The following LIMD1 variants were observed in gnomAD, a reference collection of about 807,000 sequenced individuals.
LIMD1 encodes LIM domain containing 1.
Under a neutral mutation model 58.4 loss-of-function variants are expected in LIMD1, and 23 were observed. The observed-to-expected ratio is 0.39, with a 90% confidence interval of 0.28 to 0.56. LIMD1 has a LOEUF of 0.56. Among genes scored for constraint, LIMD1 ranks in the 20% least tolerant of loss-of-function variants. The probability of loss-of-function intolerance (pLI) is 0.57; values close to 1 mark genes in which losing one functional copy is unlikely to be tolerated. For missense variants in LIMD1, 838 were observed against 855.5 expected (o/e 0.98, Z 0.25); for synonymous variants, 334 against 345.5 (o/e 0.97, Z 0.37).
At chr3:45,665,548 G>T in intron 2 of LIMD1, 102 bp from the exon 3 acceptor site, 2 of 879,686 alleles carry the variant, frequency 2.3e-6, no homozygotes, top group Admixed American at 2.1e-5. Flanking sequence ...CGGTTTTTAC[G>T]TGTTTATTTC....
intron 7 of LIMD1, among the ~76,000 whole-genome samples, chr3:45,675,024 C>T (rs182406885): frequency 3.7e-4 from 56 of 152,340 alleles, no homozygotes; most frequent in African/African-American, 1.2e-3. Flanking sequence ...TAAGTGAATT[C>T]ACCCATGGAA....
rs1302311112 is a variant in LIMD1, at chr3:45,683,574, T to C, written c.*6515T>C. ...CAACCAGTCAGATGTTTGTATAGGGTGGTGTAACTTTGTAACTTTGCTTCA... is the reference window on the plus strand; with the variant it reads ...CAACCAGTCAGATGTTTGTATAGGGCGGTGTAACTTTGTAACTTTGCTTCA... On this transcript the variant is annotated 3_prime_UTR_variant, in exon 8 of 8. Coordinates refer to ENST00000273317, the MANE Select transcript of LIMD1 (RefSeq NM_014240.3). 2 of 152,180 alleles carry C rather than the reference T, an allele frequency of 1.3e-5. No individual in the cohort carries two copies. The highest frequency in any genetic ancestry group is 2.4e-5 in the African/African-American group (1 of 41,426). 9.4% of individuals were successfully genotyped at this position (152,180 alleles called of 1,614,324 possible). A position where few individuals can be genotyped will look rare whatever the true frequency, so the allele number is the denominator to read the frequency against.
At chr3:45,625,530 G>C (rs1427142652) in intron 1 of LIMD1, among the ~76,000 whole-genome samples, 1 of 152,034 alleles carries the variant, frequency 6.6e-6, no homozygotes, top group African/African-American at 2.4e-5. Context: ...CTTGTTTGTG[G>C]GATCCTTTGG....
At chr3:45,675,335 G>T (rs756008481) in intron 7 of LIMD1, among the ~76,000 whole-genome samples, 1 of 152,230 alleles carries the variant, frequency 6.6e-6, no homozygotes, top group Non-Finnish European at 1.5e-5. Context: ...TTCGAGACCA[G>T]CCTGGCCAAC....
chr3:45,636,670 TG>T (rs1019294545), intron 2 of LIMD1, among the ~76,000 whole-genome samples: 7 of 152,086 alleles, frequency 4.6e-5, no homozygotes, highest in Admixed American at 6.5e-5. Context: ...GAGGTGGAGG[TG>T]GGGGTCCTTT....
intron 1 of LIMD1, among the ~76,000 whole-genome samples, chr3:45,632,806 G>T (rs544340363): frequency 5.5e-4 from 84 of 152,292 alleles, no homozygotes; most frequent in Non-Finnish European, 4.4e-5. Flanking sequence ...AATACTAGAG[G>T]CCCCACTTGG....
At chr3:45,632,019 C>T (rs575604390) in intron 1 of LIMD1, among the ~76,000 whole-genome samples, 6 of 152,294 alleles carry the variant, frequency 3.9e-5, no homozygotes, top group South Asian at 2.1e-4. Flanking sequence ...AGTCCCTGTG[C>T]CCCTCTGCTG....
At chr3:45,596,672 C>T (rs1286049637) in intron 1 of LIMD1, among the ~76,000 whole-genome samples, 10 of 151,924 alleles carry the variant, frequency 6.6e-5, no homozygotes, top group African/African-American at 2.4e-4. Context: ...GGGGCAGCTA[C>T]CCCTGAGCGT....
In LIMD1 at chr3:45,685,176, A is replaced by G. The variant is rs978391942; in HGVS notation, c.*8117A>G. 1 of 152,212 alleles carries G rather than the reference A, an allele frequency of 6.6e-6. No homozygotes were observed. Among genetic ancestry groups the G allele is most frequent in the Admixed American group, 6.5e-5 (1 of 15,278 alleles). 9.4% of individuals were successfully genotyped at this position (152,212 alleles called of 1,614,324 possible). A position where few individuals can be genotyped will look rare whatever the true frequency, so the allele number is the denominator to read the frequency against. ...TACTATAGGAAAAACTTGGCTACAGATATGAATTTATATTACCCATCATTG... is the reference window on the plus strand; with the variant it reads ...TACTATAGGAAAAACTTGGCTACAGGTATGAATTTATATTACCCATCATTG... On this transcript the variant is annotated 3_prime_UTR_variant, in exon 8 of 8. Transcript: ENST00000273317.
At chr3:45,622,172 A>C (rs1281862311) in intron 1 of LIMD1, among the ~76,000 whole-genome samples, 1 of 152,180 alleles carries the variant, frequency 6.6e-6, no homozygotes, top group Non-Finnish European at 1.5e-5. Context: ...CCCAGAAAAT[A>C]AACTCTACTC....
intron 1 of LIMD1, among the ~76,000 whole-genome samples, chr3:45,614,394 G>A (rs1701557099): frequency 6.7e-6 from 1 of 150,128 alleles, no homozygotes; most frequent in South Asian, 2.1e-4. Flanking sequence ...GGGCGTGGTG[G>A]CGGGCACCTG....
At position 45,685,494 on chromosome 3, in the gene LIMD1, G is replaced by C. The variant is rs924256763; in HGVS notation, c.*8435G>C. 2 of 152,192 alleles carry C rather than the reference G, an allele frequency of 1.3e-5. No individual in the cohort carries two copies. Among genetic ancestry groups the C allele is most frequent in the Non-Finnish European group, 2.9e-5 (2 of 68,038 alleles). The allele number at this position is 152,192 out of a possible 1,614,324, so 9.4% of individuals were successfully genotyped here. Reference sequence around the variant, plus strand: ...CTTAAACCCCTATTTTATTAAAGGAGAGGAAATGTCCAAGAGCCCAGAGAT... The same window carrying C: ...CTTAAACCCCTATTTTATTAAAGGACAGGAAATGTCCAAGAGCCCAGAGAT... On this transcript the variant is annotated 3_prime_UTR_variant, in exon 8 of 8. Coordinates refer to ENST00000273317, the MANE Select transcript of LIMD1 (RefSeq NM_014240.3).
Position 45,685,159 on chromosome 3 carries a change from G to T in LIMD1, c.*8100G>T, listed in dbSNP as rs1217844860. The T allele has an allele frequency of 6.6e-6, 1 of 152,154 alleles. No individual in the cohort carries two copies. Among genetic ancestry groups the T allele is most frequent in the African/African-American group, 2.4e-5 (1 of 41,450 alleles). 9.4% of individuals were successfully genotyped at this position (152,154 alleles called of 1,614,324 possible). ...AAGTTATATAACAATTTTACTATAGGAAAAACTTGGCTACAGATATGAATT... is the reference window on the plus strand; with the variant it reads ...AAGTTATATAACAATTTTACTATAGTAAAAACTTGGCTACAGATATGAATT... On this transcript the variant is annotated 3_prime_UTR_variant, in exon 8 of 8. Coordinates refer to ENST00000273317, the MANE Select transcript of LIMD1 (RefSeq NM_014240.3).
chr3:45,637,111 A>G (rs1167249483), intron 2 of LIMD1, among the ~76,000 whole-genome samples: 1 of 152,112 alleles, frequency 6.6e-6, no homozygotes, highest in Non-Finnish European at 1.5e-5. Flanking sequence ...GTGGTTTGCA[A>G]TCCTGGCTGC....
At chr3:45,626,562 G>A (rs1362446232) in intron 1 of LIMD1, among the ~76,000 whole-genome samples, 3 of 152,234 alleles carry the variant, frequency 2.0e-5, no homozygotes, top group African/African-American at 7.2e-5. Flanking sequence ...AGGATCAATG[G>A]TTGCCAGGGG....
chr3:45,610,093 G>A (rs1701509280), intron 1 of LIMD1, among the ~76,000 whole-genome samples: 3 of 152,198 alleles, frequency 2.0e-5, no homozygotes, highest in African/African-American at 7.2e-5. Context: ...TCGGGAGGCT[G>A]AGGCAGAAGA....
chr3:45,666,060 G>A (rs1210088304), intron 3 of LIMD1, among the ~76,000 whole-genome samples: 2 of 152,070 alleles, frequency 1.3e-5, no homozygotes, highest in African/African-American at 4.8e-5. Flanking sequence ...TTCTCCCATG[G>A]ACTGGAAGTC....
intron 2 of LIMD1, among the ~76,000 whole-genome samples, chr3:45,641,450 C>T (rs1336342952): frequency 6.6e-6 from 1 of 150,570 alleles, no homozygotes; most frequent in Non-Finnish European, 1.5e-5. Flanking sequence ...TTATGAAAAT[C>T]TAGTTTAAAA....
chr3:45,594,840 CACACGG>C lies in LIMD1; in HGVS notation c.-39_-34del. ...ACACACACACACACACACACACACA[CACACGG>C]CACCTGGGCTAGGCCCGGACACCTG... On this transcript the variant is annotated 5_prime_UTR_variant, in exon 1 of 8. Transcript: ENST00000273317. 1 of 1,312,254 alleles carries C rather than the reference CACACGG, an allele frequency of 7.6e-7. No individual in the cohort carries two copies. The highest frequency in any genetic ancestry group is 1.1e-6 in the Non-Finnish European group (1 of 940,078). 81.3% of individuals were successfully genotyped at this position (1,312,254 alleles called of 1,614,324 possible).
Sources: gnomAD v4.1 joint callset for allele counts (sites outside exome capture counted in the v4.1 genomes callset) on GRCh38, gnomAD v4.1.1 for gene constraint, MANE v1.5 for transcripts, NCBI Gene and HGNC (gene_info 2026-07-23, HGNC 2026-07-21) for gene names.